The following THADA variants were observed in gnomAD, a reference collection of about 807,000 sequenced individuals.
THADA encodes tRNA (32-2'-O)-methyltransferase regulator THADA.
Under a neutral mutation model 219.8 loss-of-function variants are expected in THADA, and 213 were observed. That is an observed-to-expected ratio of 0.97 (90% CI 0.87 to 1.09). The LOEUF (loss-of-function observed/expected upper bound fraction) is 1.09, where lower values mean the gene tolerates loss of function less well. THADA is among the 50% of genes least tolerant of loss of function. The pLI, the probability that THADA is intolerant of heterozygous loss-of-function variation, is 0.00. For synonymous variants in THADA, 1,018 were observed against 828.9 expected, an observed-to-expected ratio of 1.23 and a Z score of -3.92; for missense variants, 2,956 against 2,311.3, an observed-to-expected ratio of 1.28 and a Z score of -5.72.
chr2:43,310,440 T>C (rs1490832646), intron 31 of THADA, among the ~76,000 whole-genome samples: 2 of 152,136 alleles, frequency 1.3e-5, no homozygotes, highest in Non-Finnish European at 2.9e-5. Context: ...AAACCCCTAA[T>C]TTATGGTCAA....
At chr2:43,362,935 T>C (rs1442431127) in intron 29 of THADA, among the ~76,000 whole-genome samples, 2 of 152,182 alleles carry the variant, frequency 1.3e-5, no homozygotes, top group Non-Finnish European at 2.9e-5. Context: ...AACACACACA[T>C]TAGCCCAGGA....
At chr2:43,509,733 G>A (rs1690153860) in intron 22 of THADA, among the ~76,000 whole-genome samples, 1 of 152,008 alleles carries the variant, frequency 6.6e-6, no homozygotes, top group Admixed American at 6.6e-5. Context: ...TCAGCTATAT[G>A]TTTCACATAG....
At chr2:43,550,196 G>A (rs1696588157) in intron 19 of THADA, among the ~76,000 whole-genome samples, 1 of 152,156 alleles carries the variant, frequency 6.6e-6, no homozygotes, top group Non-Finnish European at 1.5e-5. Context: ...AGTTAGCCAG[G>A]CTCAGATTTT....
chr2:43,475,499 A>G (rs1450771709), intron 26 of THADA, among the ~76,000 whole-genome samples: 2 of 152,086 alleles, frequency 1.3e-5, no homozygotes, highest in Non-Finnish European at 2.9e-5. Context: ...AAGAAAATCA[A>G]TGTGATAATA....
At chr2:43,296,347 C>T (rs1675383657) in intron 31 of THADA, among the ~76,000 whole-genome samples, 1 of 151,640 alleles carries the variant, frequency 6.6e-6, no homozygotes, top group African/African-American at 2.4e-5. Flanking sequence ...ACAATATTGG[C>T]TCACTGCAAC....
chr2:43,592,330 A>C lies in THADA; in HGVS notation c.63T>G (p.Leu21=). The change falls in exon 2 of 38, where the codon CTT becomes CTG. Residue 21 remains leucine, a synonymous_variant. Transcript: ENST00000405975. ...VAALTICHQD[L]ETLKSFADVE... ...GAAGTCACCTACATTTCAAAGTTTC[A>C]AGGTCCTGATGGCAAATGGTCAGCG... 1.9e-6 allele frequency: 3 copies of C among 1,605,706 alleles called. No individual in the cohort carries two copies. The highest frequency in any genetic ancestry group is 2.6e-6 in the Non-Finnish European group (3 of 1,176,352).
intron 34 of THADA, among the ~76,000 whole-genome samples, chr2:43,291,473 A>AAAAAAAAAAAAAAAAAAAC (rs1558527804): frequency 2.7e-5 from 4 of 146,736 alleles, no homozygotes; most frequent in African/African-American, 1.0e-4. Context: ...AAAAAAAAAA[A>AAAAAAAAAAAAAAAAAAAC]AAAAAAAAAT....
At chr2:43,347,541 AAAC>A (rs1667767455) in intron 29 of THADA, among the ~76,000 whole-genome samples, 1 of 152,246 alleles carries the variant, frequency 6.6e-6, no homozygotes, top group African/African-American at 2.4e-5. Context: ...AGTGAATCTT[AAAC>A]TATGGACTTT....
chr2:43,575,170 A>G, intron 10 of THADA, 143 bp from the exon 11 acceptor site: 2 of 672,184 alleles, frequency 3.0e-6, no homozygotes, highest in South Asian at 2.5e-5. Flanking sequence ...ACAAAAAACT[A>G]CAAGTAAAGC....
intron 29 of THADA, among the ~76,000 whole-genome samples, chr2:43,350,512 A>C (rs1668133827): frequency 6.6e-6 from 1 of 152,250 alleles, no homozygotes; most frequent in Admixed American, 6.5e-5. Context: ...ACTAGGCCGT[A>C]GGCCTCTCAG....
At chr2:43,417,532 C>T (rs1378987952) in intron 28 of THADA, among the ~76,000 whole-genome samples, 1 of 152,186 alleles carries the variant, frequency 6.6e-6, no homozygotes, top group East Asian at 1.9e-4. Context: ...TTCCTTTTCT[C>T]CTGATTTCAG....
chr2:43,451,823 C>G (rs1682373515), intron 26 of THADA, among the ~76,000 whole-genome samples: 1 of 152,306 alleles, frequency 6.6e-6, no homozygotes, highest in East Asian at 1.9e-4. Flanking sequence ...CAAGAAATCA[C>G]AGGCTGGGCT....
chr2:43,268,286 G>A lies in THADA; in HGVS notation c.5296+11479C>T, dbSNP rs1476587114. On this transcript the variant is annotated intron_variant, in intron 36 of 37. Transcript: ENST00000405975. ...TCTTGAATCCCATTCTCCTCCTAAC[G>A]CTCATACAGACATTCACATCCAAAC... Among the ~76,000 whole-genome samples, 3 of 152,046 alleles carry A rather than the reference G, an allele frequency of 2.0e-5. No homozygotes were observed. The East Asian group carries it at 5.8e-4, about 29-fold the overall frequency.
chr2:43,342,193 G>A (rs1441291514), intron 30 of THADA, among the ~76,000 whole-genome samples: 1 of 152,132 alleles, frequency 6.6e-6, no homozygotes, highest in African/African-American at 2.4e-5. Flanking sequence ...TCTAACCTGG[G>A]TGACAGAGCA....
At chr2:43,432,460 C>CTTT (rs536184758) in intron 26 of THADA, among the ~76,000 whole-genome samples, 1 of 141,334 alleles carries the variant, frequency 7.1e-6, no homozygotes, top group African/African-American at 2.6e-5. Context: ...GGTTCTTTAC[C>CTTT]TTTTTTTTTT....
intron 34 of THADA, among the ~76,000 whole-genome samples, chr2:43,289,636 T>TA (rs1327110778): frequency 1.3e-5 from 2 of 151,132 alleles, no homozygotes; most frequent in Admixed American, 6.6e-5. Context: ...TAGAACTTGG[T>TA]GTTTTTTTGT....
Position 43,541,273 on chromosome 2 carries a change from C to A in THADA, c.3150G>T (p.Leu1050=). 6.2e-7 allele frequency: 1 copy of A among 1,613,144 alleles called. No homozygotes were observed. The highest frequency in any genetic ancestry group is 8.5e-7 in the Non-Finnish European group (1 of 1,179,534). Residue 1050 remains leucine (L), a synonymous_variant, in exon 21 of 38, where the codon CTG becomes CTT. Coordinates refer to ENST00000405975, the MANE Select transcript of THADA (RefSeq NM_022065.5). ...KTCDVTAQMV[L]VCCWRSMKEV... The stretch of plus-strand genomic sequence containing the variant: ...CCTTCATACTTCTCCAACAACATAC[C>A]AGCACCATCTGCGCAGTTACATCAC...
chr2:43,378,097 GA>G (rs1438489630), intron 29 of THADA, among the ~76,000 whole-genome samples: 5 of 152,122 alleles, frequency 3.3e-5, no homozygotes, highest in African/African-American at 1.2e-4. Context: ...AACAATCAAA[GA>G]GATAATGAAA....
intron 26 of THADA, among the ~76,000 whole-genome samples, chr2:43,454,911 A>G (rs1682798986): frequency 6.6e-6 from 1 of 151,100 alleles, no homozygotes; most frequent in South Asian, 2.1e-4. Context: ...TTGATTCCTA[A>G]TTCTCTGTAT....
Sources: allele counts gnomAD v4.1 joint callset (sites outside exome capture counted in the v4.1 genomes callset), GRCh38; gene constraint gnomAD v4.1.1; transcripts MANE v1.5; gene names NCBI Gene and HGNC (gene_info 2026-07-23, HGNC 2026-07-21).